Variants in TRIO observed in about 807,000 individuals in gnomAD.
The protein encoded by TRIO is triple functional domain protein.
In TRIO, 58 loss-of-function variants were observed where a neutral mutation model predicts 351.9. The observed-to-expected ratio is 0.16, with a 90% confidence interval of 0.13 to 0.21. TRIO has a LOEUF of 0.21. Ranked by LOEUF, TRIO falls within the 10% of genes least tolerant of loss-of-function variation. The probability of loss-of-function intolerance (pLI) is 1.00; values close to 1 mark genes in which losing one functional copy is unlikely to be tolerated. For synonymous variants in TRIO, 1,758 were observed against 1,595.7 expected (o/e 1.10, Z -2.42); for missense variants, 3,201 against 4,027.8 (o/e 0.79, Z 5.56).
chr5:14,256,401 C>G (rs892492739), intron 1 of TRIO, among the ~76,000 whole-genome samples: 4 of 152,170 alleles, frequency 2.6e-5, no homozygotes, highest in African/African-American at 9.7e-5. Context: ...AACATCCAAA[C>G]TATATCAAAT....
At chr5:14,391,116 C>T in intron 27 of TRIO, 126 bp downstream of exon 27, 1 of 710,396 alleles carries the variant, frequency 1.4e-6, no homozygotes, top group East Asian at 3.0e-5. Flanking sequence ...TTTTGTCTAT[C>T]ATTTTGTCTA....
At chr5:14,285,792 T>C (rs1487335311) in intron 3 of TRIO, among the ~76,000 whole-genome samples, 1 of 152,102 alleles carries the variant, frequency 6.6e-6, no homozygotes, top group Admixed American at 6.5e-5. Context: ...GTCCTAGGTA[T>C]ATTTCCAAAA....
chr5:14,151,495 T>C (rs560108002), intron 1 of TRIO, among the ~76,000 whole-genome samples: 5 of 152,260 alleles, frequency 3.3e-5, no homozygotes, highest in East Asian at 1.9e-4. Flanking sequence ...AGTGCAAGAA[T>C]GAATGAATAT....
At chr5:14,268,664 CTAGTAT>C (rs1490856986) in intron 1 of TRIO, among the ~76,000 whole-genome samples, 15 of 152,334 alleles carry the variant, frequency 9.8e-5, no homozygotes, top group Non-Finnish European at 2.1e-4. Context: ...TTACTCCTTC[CTAGTAT>C]TTGTCTATCA....
chr5:14,476,208 T>G (rs1755062551), intron 40 of TRIO, among the ~76,000 whole-genome samples: 1 of 152,182 alleles, frequency 6.6e-6, no homozygotes, highest in African/African-American at 2.4e-5. Context: ...AGACCAAGTT[T>G]TCAGAAATAA....
chr5:14,368,928 T>G, intron 17 of TRIO, 29 bp downstream of exon 17: 1 of 1,598,900 alleles, frequency 6.3e-7, no homozygotes. Context: ...TTCCTTGAAC[T>G]CCACTGATAC....
Position 14,404,377 on chromosome 5 carries a change from C to G in TRIO, c.4717-1471C>G, listed in dbSNP as rs138256525. ...CTCAGTTACCTTTCTCTTACTATTT[C>G]TGAAAAACTGACATCTTTTTTCCTC... On this transcript the variant is annotated intron_variant, in intron 31 of 56. Coordinates refer to ENST00000344204, the MANE Select transcript of TRIO (RefSeq NM_007118.4). Among the ~76,000 whole-genome samples the G allele has an allele frequency of 4.5e-3, 687 of 152,150 alleles. 7 individuals are homozygous for G. The highest frequency in any genetic ancestry group is 0.016 in the African/African-American group (662 of 41,468).
At position 14,371,026 on chromosome 5, in the gene TRIO, A is replaced by G. The variant is rs147593114; in HGVS notation, c.3216+1503A>G. 5.4e-3 allele frequency among the ~76,000 whole-genome samples: 829 copies of G among 152,316 alleles called. 10 individuals are homozygous for G. Among genetic ancestry groups the G allele is most frequent in the African/African-American group, 0.019 (797 of 41,542 alleles). ...TGCATTGAGTAGAACCTGTACATCA[A>G]ATGCTATACAACCATTGATTTTCAC... is the stretch of plus-strand genomic sequence containing the variant. On this transcript the variant is annotated intron_variant, in intron 18 of 56. Transcript: ENST00000344204.
chr5:14,420,172 G>T, intron 34 of TRIO, 151 bp downstream of exon 34: 6 of 1,172,008 alleles, frequency 5.1e-6, no homozygotes, highest in Non-Finnish European at 5.9e-6. Flanking sequence ...GGCATTTCCA[G>T]TCCATCAGCA....
chr5:14,457,102 T>C (rs1406901787), intron 34 of TRIO, among the ~76,000 whole-genome samples: 1 of 152,212 alleles, frequency 6.6e-6, no homozygotes, highest in Non-Finnish European at 1.5e-5. Context: ...GGGGTCATTA[T>C]TGTCCCTCTA....
intron 1 of TRIO, among the ~76,000 whole-genome samples, chr5:14,263,708 G>T (rs1176466150): frequency 6.6e-6 from 1 of 152,106 alleles, no homozygotes; most frequent in Non-Finnish European, 1.5e-5. Context: ...AGTCTTTGGG[G>T]CAGGACAGCA....
rs922674783 is a variant in TRIO, at chr5:14,329,846, A to G, written c.1732-932A>G. 2.6e-5 allele frequency among the ~76,000 whole-genome samples: 4 copies of G among 152,322 alleles called. No homozygotes were observed. In the East Asian group the frequency reaches 5.8e-4, roughly 22 times the overall value. ...CCTCAGTGTCTGCATGATCGCCCAC[A>G]TATACCAAAACCTATGGGTGCCTAA... On this transcript the variant is annotated intron_variant, in intron 9 of 56. Coordinates refer to ENST00000344204, the MANE Select transcript of TRIO (RefSeq NM_007118.4).
intron 7 of TRIO, 200 bp downstream of exon 7, chr5:14,297,463 CTG>C: frequency 1.8e-6 from 1 of 555,040 alleles, no homozygotes; most frequent in Non-Finnish European, 3.0e-6. Context: ...CTTAGCCTCT[CTG>C]TTTTGTTTTT....
intron 49 of TRIO, among the ~76,000 whole-genome samples, chr5:14,494,565 C>T (rs1407490265): frequency 1.3e-5 from 2 of 152,226 alleles, no homozygotes; most frequent in East Asian, 1.9e-4. Context: ...CTACAGCCCA[C>T]GGATCAAGGA....
In TRIO at chr5:14,421,167, G is replaced by A. The variant is rs1437340962; in HGVS notation, c.5203+1146G>A. Among the ~76,000 whole-genome samples the A allele has an allele frequency of 3.3e-5, 5 of 151,590 alleles. 1 individual carries two copies. In the East Asian group the frequency reaches 9.7e-4, roughly 29 times the overall value. On this transcript the variant is annotated intron_variant, in intron 34 of 56. Coordinates refer to ENST00000344204, the MANE Select transcript of TRIO (RefSeq NM_007118.4). Reference sequence around the variant, plus strand: ...CTGCTGTGAACTTATGCCAGCCAGTGGTTAGGGGCTCAGAACTGTATCCAT... The same window carrying A: ...CTGCTGTGAACTTATGCCAGCCAGTAGTTAGGGGCTCAGAACTGTATCCAT...
At chr5:14,358,597 A>C (rs1378871582) in intron 12 of TRIO, among the ~76,000 whole-genome samples, 1 of 152,208 alleles carries the variant, frequency 6.6e-6, no homozygotes, top group East Asian at 1.9e-4. Context: ...TAAACCACAT[A>C]ATTTAATTTT....
chr5:14,188,149 C>T (rs943586914), intron 1 of TRIO, among the ~76,000 whole-genome samples: 2 of 152,112 alleles, frequency 1.3e-5, no homozygotes, highest in Non-Finnish European at 2.9e-5. Context: ...ATTTTGAAAA[C>T]CATTTTTTGT....
chr5:14,297,893 A>G (rs1015786043), intron 7 of TRIO, among the ~76,000 whole-genome samples: 2 of 152,084 alleles, frequency 1.3e-5, no homozygotes, highest in Admixed American at 6.6e-5. Flanking sequence ...CTCCGCAGGG[A>G]TGGCTGTAGC....
chr5:14,487,788 C>T lies in TRIO; in HGVS notation c.7160C>T (p.Pro2387Leu). Residue 2387 changes from proline to leucine, a missense_variant, in exon 48 of 57, where the codon CCC becomes CTC. Physicochemically the swap from Pro to Leu is moderately conservative, Grantham distance 98 (BLOSUM62 -3). This residue lies in a region of TRIO where 1,089 missense variants were observed against 954.9 expected (regional missense o/e 1.14). Transcript: ENST00000344204. ...CCTGGCGCGGCCCCCGAGGCCGGCC[C>T]CAGCGCGCCCAGCAGGCGGCCCCCC... ...PPPGAAPEAG[P>L]SAPSRRPPGA... 1 of 1,382,708 alleles carries T rather than the reference C, an allele frequency of 7.2e-7. No individual in the cohort carries two copies. The highest frequency in any genetic ancestry group is 1.6e-5 in the South Asian group (1 of 62,166). 85.7% of individuals were successfully genotyped at this position (1,382,708 alleles called of 1,614,324 possible).
Sources: gnomAD v4.1 joint callset for allele counts (sites outside exome capture counted in the v4.1 genomes callset) on GRCh38, gnomAD v4.1.1 for gene constraint, gnomAD v4.1.1 regional missense constraint, MANE v1.5 for transcripts, NCBI Gene and HGNC (gene_info 2026-07-23, HGNC 2026-07-21) for gene names.